CACNA1C: variants seen among roughly 807,000 people sequenced by gnomAD.
CACNA1C encodes the protein voltage-dependent L-type calcium channel subunit alpha-1C.
CACNA1C carries 30 observed loss-of-function variants against 229.0 expected under a neutral mutation model. The observed-to-expected ratio is 0.13, with a 90% CI of 0.10 to 0.18. CACNA1C has a LOEUF of 0.18. CACNA1C is among the 10% of genes least tolerant of loss of function. CACNA1C has a pLI of 1.00. For missense variants in CACNA1C, 1,658 were observed against 2,845.0 expected (o/e 0.58, Z 9.49); for synonymous variants, 1,114 against 1,132.5 (o/e 0.98, Z 0.33).
chr12:2,329,124 T>C (rs2096452976), intron 3 of CACNA1C, among the ~76,000 whole-genome samples: 2 of 152,210 alleles, frequency 1.3e-5, no homozygotes. Context: ...TACAATGGCT[T>C]CCTGGTCCTG....
chr12:2,606,081 T>G (rs903482566), intron 24 of CACNA1C, among the ~76,000 whole-genome samples: 6 of 152,210 alleles, frequency 3.9e-5, no homozygotes, highest in Middle Eastern at 3.2e-3. Context: ...GGAACCTCTG[T>G]GTCAGTCAGT....
rs2096122293 is a variant in CACNA1C at position 2,666,558 on chromosome 12, A to C, written c.4527-128A>C. ...TGCAACTCTGTACTGAGTGTGACTAATAGGGCTACCACACTGTGCAGTGTT... is the reference window on the plus strand; with the variant it reads ...TGCAACTCTGTACTGAGTGTGACTACTAGGGCTACCACACTGTGCAGTGTT... On this transcript the variant is annotated intron_variant, in intron 36 of 46. Transcript: ENST00000399655. This position sits in a 1 kb window ranked among gnomAD's most constrained non-coding sequence, Gnocchi z 5.3. The C allele has an allele frequency of 4.9e-6, 3 of 607,048 alleles. No individual in the cohort carries two copies. The highest frequency in any genetic ancestry group is 9.0e-6 in the Non-Finnish European group (3 of 334,630). 37.6% of individuals were successfully genotyped at this position (607,048 alleles called of 1,614,324 possible). A position where few individuals can be genotyped will look rare whatever the true frequency, so the allele number is the denominator to read the frequency against.
chr12:2,301,529 C>T (rs1566949013), intron 3 of CACNA1C, among the ~76,000 whole-genome samples: 1 of 152,140 alleles, frequency 6.6e-6, no homozygotes, highest in Non-Finnish European at 1.5e-5. Flanking sequence ...CCCCCCGCCA[C>T]CCCACCAGAG....
intron 3 of CACNA1C, among the ~76,000 whole-genome samples, chr12:2,214,846 T>A (rs908128219): frequency 5.3e-5 from 8 of 151,314 alleles, no homozygotes; most frequent in African/African-American, 2.0e-4. Flanking sequence ...TTTGACCCCA[T>A]CCCTTCTAGT....
chr12:2,252,224 A>G (rs544623171), intron 3 of CACNA1C, among the ~76,000 whole-genome samples: 40 of 152,314 alleles, frequency 2.6e-4, no homozygotes, highest in Non-Finnish European at 5.0e-4. Flanking sequence ...TCCACCAGAG[A>G]TGGCTGCTTG....
intron 21 of CACNA1C, among the ~76,000 whole-genome samples, chr12:2,598,949 G>A (rs1454770740): frequency 6.6e-6 from 1 of 152,200 alleles, no homozygotes; most frequent in Admixed American, 6.5e-5. Flanking sequence ...TTGCGTGGCT[G>A]CACTAAGATG....
intron 3 of CACNA1C, among the ~76,000 whole-genome samples, chr12:2,327,831 C>A (rs2096386938): frequency 6.6e-6 from 1 of 152,170 alleles, no homozygotes; most frequent in South Asian, 2.1e-4. Context: ...GAGGAAAAAT[C>A]GGCATGACTG....
At chr12:2,417,523 C>G (rs2098924483) in intron 3 of CACNA1C, among the ~76,000 whole-genome samples, 1 of 152,184 alleles carries the variant, frequency 6.6e-6, no homozygotes, top group Admixed American at 6.5e-5. Context: ...CGCCAAGGAC[C>G]TCTTTCTGGC....
chr12:2,398,002 C>T (rs1215657089), intron 3 of CACNA1C, among the ~76,000 whole-genome samples: 1 of 152,224 alleles, frequency 6.6e-6, no homozygotes, highest in Non-Finnish European at 1.5e-5. Context: ...GCCTGTCACT[C>T]CTGAATCTCC....
chr12:2,624,511 A>G (rs916539238), intron 29 of CACNA1C, among the ~76,000 whole-genome samples: 3 of 152,216 alleles, frequency 2.0e-5, no homozygotes, highest in Admixed American at 2.0e-4. Flanking sequence ...GCATTTCCTC[A>G]CTAACCTGGA....
rs1048241141 is a variant in CACNA1C, at chr12:2,610,550, G to T, written c.3568G>T (p.Val1190Leu). The change falls in exon 28 of 47, where the codon GTG becomes TTG. Residue 1190 changes from valine (V) to leucine (L), a missense_variant. Physicochemically the swap from Val to Leu is conservative, Grantham distance 32. Around this residue, in one of 20 missense-constraint regions of CACNA1C, gnomAD observed 67 missense variants for 106.4 expected, o/e 0.63. Transcript: ENST00000399655. ...CELDKNQRQC[V>L]EYALKARPLR... is the part of the protein sequence containing the mutation. ...TCCACCACCCTCCCAGCGACAGTGC[G>T]TGGAATACGCCCTCAAGGCCCGGCC... 5 of 1,613,428 alleles carry T rather than the reference G, an allele frequency of 3.1e-6. No homozygotes were observed. Among genetic ancestry groups the T allele is most frequent in the Non-Finnish European group, 3.4e-6 (4 of 1,179,552 alleles).
In CACNA1C at chr12:1,971,106, C is replaced by T. The variant is rs775610591; in HGVS notation, c.44C>T (p.Pro15Leu). 8 of 1,289,272 alleles carry T rather than the reference C, an allele frequency of 6.2e-6. No individual in the cohort carries two copies. Among genetic ancestry groups the T allele is most frequent in the Non-Finnish European group, 6.1e-6 (6 of 988,540 alleles). 79.9% of individuals were successfully genotyped at this position (1,289,272 alleles called of 1,614,324 possible). The change falls in exon 1 of 47, where the codon CCG becomes CTG. Residue 15 changes from proline to leucine, a missense_variant. Transcript: ENST00000682462. This position sits in a 1 kb window ranked among gnomAD's most constrained non-coding sequence, Gnocchi z 4.2. ...CAGCCTGGTACGCCTGCATACCAGC[C>T]GCTTCCCAGCCACCTGTCTGCCAAC...
chr12:2,493,922 A>C lies in CACNA1C; in HGVS notation c.1113+536A>C, dbSNP rs1482781860. On this transcript the variant is annotated intron_variant, in intron 7 of 46. Coordinates refer to ENST00000399655, the MANE Select transcript of CACNA1C (RefSeq NM_000719.7). The surrounding 1 kb of genome is among the most constrained non-coding windows in gnomAD (Gnocchi z 4.6). ...TTTTACTCTTACCTTAACATATTAG[A>C]ATAGTCCATCAGACAAATGCATTGG... Among the ~76,000 whole-genome samples the C allele has an allele frequency of 6.6e-6, 1 of 152,232 alleles. No individual in the cohort carries two copies. The highest frequency in any genetic ancestry group is 1.5e-5 in the Non-Finnish European group (1 of 68,044).
At chr12:2,554,545 T>A (rs1032489769) in intron 10 of CACNA1C, among the ~76,000 whole-genome samples, 1 of 152,128 alleles carries the variant, frequency 6.6e-6, no homozygotes. Context: ...CAGGGAGGCA[T>A]TGGCCACAGT....
chr12:2,340,974 G>C (rs1423116751), intron 3 of CACNA1C, among the ~76,000 whole-genome samples: 3 of 150,574 alleles, frequency 2.0e-5, no homozygotes, highest in African/African-American at 7.5e-5. Context: ...AAAAAAAAAA[G>C]ACTTGGCCTT....
intron 3 of CACNA1C, among the ~76,000 whole-genome samples, chr12:2,198,964 AT>A (rs1325810736): frequency 4.6e-5 from 7 of 152,208 alleles, no homozygotes; most frequent in Non-Finnish European, 1.0e-4. Flanking sequence ...TAAATTAAGT[AT>A]TGGCTGCATA....
At chr12:2,447,539 T>C (rs2099310643) in intron 3 of CACNA1C, among the ~76,000 whole-genome samples, 2 of 149,850 alleles carry the variant, frequency 1.3e-5, no homozygotes, top group Admixed American at 1.3e-4. Context: ...GGGCCCAGAA[T>C]TCTACAGTTT....
In CACNA1C at chr12:2,651,800, A is replaced by G. The variant is rs80002606; in HGVS notation, c.4074+32A>G. ...GCCCCTCATGTCCTGCGGCCCGGGG[A>G]ATCGCAGGGCTGCCGCGTGGCCCAG... On this transcript the variant is annotated intron_variant, in intron 32 of 46. Transcript: ENST00000399655. The surrounding 1 kb of genome is among the most constrained non-coding windows in gnomAD (Gnocchi z 5.4). The G allele has an allele frequency of 1.4e-5, 11 of 785,380 alleles. No individual in the cohort carries two copies. The highest frequency in any genetic ancestry group is 8.6e-5 in the African/African-American group (1 of 11,624). The allele number at this position is 785,380 out of a possible 1,614,324, so 48.7% of individuals were successfully genotyped here. A position where few individuals can be genotyped will look rare whatever the true frequency, so the allele number is the denominator to read the frequency against.
chr12:2,556,962 C>A lies in CACNA1C; in HGVS notation c.1493C>A (p.Ser498Tyr). Residue 498 changes from serine to tyrosine, a missense_variant, in exon 11 of 47, where the codon TCC becomes TAC. Transcript: ENST00000399655. The stretch of plus-strand genomic sequence containing the variant: ...TTTTTCTTTTTCAGCCACCGGATCT[C>A]CAAGTCAAAGTTCAGGTGAGTGAGA... Reference protein sequence around the residue: ...NCGARLAHRISKSKFSRYWRR... With the variant: ...NCGARLAHRIYKSKFSRYWRR... 6.2e-7 allele frequency: 1 copy of A among 1,613,132 alleles called. No individual in the cohort carries two copies. Among genetic ancestry groups the A allele is most frequent in the Non-Finnish European group, 8.5e-7 (1 of 1,179,154 alleles).
Sources: allele counts gnomAD v4.1 joint callset (sites outside exome capture counted in the v4.1 genomes callset), GRCh38; gene constraint gnomAD v4.1.1; regional missense constraint gnomAD v4.1.1; non-coding constraint Gnocchi (gnomAD v3.1); transcripts MANE v1.5; gene names NCBI Gene and HGNC (gene_info 2026-07-23, HGNC 2026-07-21).